Variants in MYH15 observed in about 807,000 individuals in gnomAD.
The protein encoded by MYH15 is myosin heavy chain 15, also known as myosin-15.
Under a neutral mutation model 240.5 loss-of-function variants are expected in MYH15, and 227 were observed. That is an observed-to-expected ratio of 0.94 (90% CI 0.85 to 1.05). MYH15 has a LOEUF of 1.05. MYH15 is among the 50% of genes least tolerant of loss of function. The pLI, the probability that MYH15 is intolerant of heterozygous loss-of-function variation, is 0.00. For missense variants in MYH15, 2,217 were observed against 2,247.5 expected (o/e 0.99, Z 0.27); for synonymous variants, 785 against 796.7 (o/e 0.99, Z 0.25).
intron 1 of MYH15, among the ~76,000 whole-genome samples, chr3:108,520,618 C>T (rs920828304): frequency 3.3e-5 from 5 of 152,060 alleles, no homozygotes; most frequent in Admixed American, 3.3e-4. Flanking sequence ...AACCAAAATC[C>T]GCAGACTAAT....
intron 9 of MYH15, among the ~76,000 whole-genome samples, chr3:108,488,451 G>C (rs1375441089): frequency 6.6e-6 from 1 of 152,092 alleles, no homozygotes; most frequent in Non-Finnish European, 1.5e-5. Context: ...GAGACCACAG[G>C]TGTATGCCAC....
intron 27 of MYH15, among the ~76,000 whole-genome samples, chr3:108,426,396 A>G (rs2082725178): frequency 6.6e-6 from 1 of 152,120 alleles, no homozygotes; most frequent in Non-Finnish European, 1.5e-5. Flanking sequence ...CGTGATTTCA[A>G]GAGAGGATTC....
intron 21 of MYH15, among the ~76,000 whole-genome samples, chr3:108,446,327 C>A (rs1288847916): frequency 6.6e-6 from 1 of 152,166 alleles, no homozygotes; most frequent in Non-Finnish European, 1.5e-5. Flanking sequence ...GACCCAGGAA[C>A]TGGGCCTGAA....
chr3:108,442,070 G>A (rs1391609563), intron 22 of MYH15, among the ~76,000 whole-genome samples: 1 of 152,148 alleles, frequency 6.6e-6, no homozygotes, highest in Non-Finnish European at 1.5e-5. Flanking sequence ...TTCTTCATGA[G>A]CAAGTTCTTA....
chr3:108,501,380 T>C (rs183781334), intron 3 of MYH15, among the ~76,000 whole-genome samples: 1 of 152,166 alleles, frequency 6.6e-6, no homozygotes, highest in Non-Finnish European at 1.5e-5. Context: ...CAAGCTCCCA[T>C]GGAAAGGCAG....
intron 11 of MYH15, among the ~76,000 whole-genome samples, chr3:108,481,512 T>C (rs1032720205): frequency 4.6e-5 from 7 of 152,070 alleles, no homozygotes; most frequent in Non-Finnish European, 5.9e-5. Context: ...GTGGTGGAGG[T>C]AGCTAGAGAA....
intron 7 of MYH15, 45 bp from the exon 8 acceptor site, chr3:108,493,222 T>C: frequency 6.5e-7 from 1 of 1,548,072 alleles, no homozygotes. Flanking sequence ...CACAGTTTCC[T>C]ATTCACATTT....
intron 26 of MYH15, among the ~76,000 whole-genome samples, chr3:108,429,799 T>A (rs571521522): frequency 2.7e-4 from 41 of 152,286 alleles, no homozygotes; most frequent in African/African-American, 9.4e-4. Context: ...ATAGATGAGG[T>A]ATGACAGAAA....
At chr3:108,415,546 C>T (rs1167229227) in intron 29 of MYH15, among the ~76,000 whole-genome samples, 1 of 152,106 alleles carries the variant, frequency 6.6e-6, no homozygotes, top group African/African-American at 2.4e-5. Context: ...AATCCCTGCC[C>T]TAAAGAGCCC....
chr3:108,515,843 G>A (rs1295293417), intron 1 of MYH15, among the ~76,000 whole-genome samples: 1 of 152,178 alleles, frequency 6.6e-6, no homozygotes, highest in Non-Finnish European at 1.5e-5. Flanking sequence ...TGGTACCATG[G>A]GGAAGTAAAG....
chr3:108,508,403 A>G (rs371959580), intron 1 of MYH15, among the ~76,000 whole-genome samples: 1 of 152,202 alleles, frequency 6.6e-6, no homozygotes, highest in African/African-American at 2.4e-5. Context: ...GTAGATAGCA[A>G]TGGATTTGAG....
chr3:108,500,305 C>T (rs752218991), intron 3 of MYH15, 31 bp from the exon 4 acceptor site: 2 of 1,587,954 alleles, frequency 1.3e-6, no homozygotes, highest in East Asian at 2.2e-5. Context: ...ATTTCAGAAA[C>T]TAGATTAGAA....
intron 30 of MYH15, 89 bp downstream of exon 30, chr3:108,414,143 C>T: frequency 7.3e-7 from 1 of 1,371,894 alleles, no homozygotes; most frequent in Non-Finnish European, 1.0e-6. Context: ...TTGTTAAGTG[C>T]ATACCATGAG....
chr3:108,484,390 C>G (rs1047656592), intron 11 of MYH15, among the ~76,000 whole-genome samples: 5 of 152,158 alleles, frequency 3.3e-5, no homozygotes, highest in African/African-American at 1.2e-4. Context: ...TTAGTTACTT[C>G]CCACTGGAAT....
At chr3:108,550,240 C>G in the MYH15 span, 1 of 151,266 alleles carries the variant, frequency 6.6e-6, no homozygotes, top group Non-Finnish European at 1.5e-5. Flanking sequence ...GATATTTAAC[C>G]TATGCTTTAA....
intron 19 of MYH15, among the ~76,000 whole-genome samples, chr3:108,456,226 T>C (rs1206357770): frequency 6.6e-6 from 1 of 152,174 alleles, no homozygotes; most frequent in East Asian, 1.9e-4. Flanking sequence ...TTTACCCTGT[T>C]GGTGAGTTGG....
chr3:108,492,256 A>G (rs1453871831), intron 9 of MYH15, among the ~76,000 whole-genome samples: 1 of 151,360 alleles, frequency 6.6e-6, no homozygotes, highest in Non-Finnish European at 1.5e-5. Flanking sequence ...CATCCTACCC[A>G]TTTCCAAATA....
At chr3:108,476,280 A>T in intron 12 of MYH15, 117 bp downstream of exon 12, 6 of 617,184 alleles carry the variant, frequency 9.7e-6, no homozygotes, top group Admixed American at 5.9e-5. Context: ...TTTTTTGCTT[A>T]TTTATAGAAG....
chr3:108,522,074 G>A (rs1444012729), intron 1 of MYH15, among the ~76,000 whole-genome samples: 1 of 152,186 alleles, frequency 6.6e-6, no homozygotes, highest in Non-Finnish European at 1.5e-5. Context: ...AGAGACAGCT[G>A]TTAATAGTAA....
Sources: allele counts gnomAD v4.1 joint callset (sites outside exome capture counted in the v4.1 genomes callset), GRCh38; gene constraint gnomAD v4.1.1; transcripts MANE v1.5; gene names NCBI Gene and HGNC (gene_info 2026-07-23, HGNC 2026-07-21).